Variants in ZNF782 observed in about 807,000 individuals in gnomAD.
ZNF782 encodes zinc finger protein 782.
A neutral mutation model predicts 13.0 loss-of-function variants in ZNF782; 12 were observed. The observed-to-expected ratio is 0.92, with a 90% CI of 0.59 to 1.50. ZNF782 has a LOEUF of 1.50. Among genes scored for constraint, ZNF782 ranks in the 40% most tolerant of loss-of-function variants. The pLI, the probability that ZNF782 is intolerant of heterozygous loss-of-function variation, is 0.00. For synonymous variants in ZNF782, 284 were observed against 283.0 expected (o/e 1.00, Z -0.04); for missense variants, 770 against 822.9 (o/e 0.94, Z 0.79).
At chr9:96,878,487 C>G (rs1020870820), upstream of ZNF782, among the ~76,000 whole-genome samples, 1 of 152,206 alleles carries the variant, frequency 6.6e-6, no homozygotes, top group Non-Finnish European at 1.5e-5. Context: ...CCAAGTACGA[C>G]CAATTGTCCA....
At chr9:96,896,174 G>A in the ZNF782 span, 4 of 152,118 alleles carry the variant, frequency 2.6e-5, no homozygotes, top group African/African-American at 7.2e-5. Context: ...CTGGTACCTG[G>A]TATGCACTTA....
chr9:96,868,984 C>A lies in ZNF782; in HGVS notation c.-457+6484G>T, dbSNP rs77472662. 5.6e-3 allele frequency among the ~76,000 whole-genome samples: 849 copies of A among 152,146 alleles called. 10 individuals are homozygous for A. Among genetic ancestry groups the A allele is most frequent in the Non-Finnish European group, 9.3e-3 (631 of 67,990 alleles). ...GTGTTTATACCAAATGCTACTTTGA[C>A]CTTTGCGCCTTGGCACACGACAGTA... On this transcript the variant is annotated intron_variant, in intron 1 of 5. Coordinates refer to the ZNF782 transcript ENST00000498811.
At chr9:96,932,547 G>C in the ZNF782 span, 2 of 1,333,136 alleles carry the variant, frequency 1.5e-6, no homozygotes, top group East Asian at 4.7e-5. Flanking sequence ...TGTGCTATGG[G>C]AAGGTACATT....
intron 1 of ZNF782, among the ~76,000 whole-genome samples, chr9:96,863,955 C>A (rs1419013267): frequency 6.6e-6 from 1 of 151,952 alleles, no homozygotes; most frequent in Non-Finnish European, 1.5e-5. Context: ...CCTAAATCAT[C>A]CCTAAACAAC....
chr9:96,924,787 C>T, the ZNF782 span, among the ~76,000 whole-genome samples: 1 of 152,244 alleles, frequency 6.6e-6, no homozygotes, highest in Non-Finnish European at 1.5e-5. Flanking sequence ...GGAATGTGAG[C>T]AGCACGGCCG....
the ZNF782 span, chr9:96,891,067 A>G: frequency 1.3e-5 from 2 of 152,258 alleles, no homozygotes; most frequent in East Asian, 1.9e-4. Context: ...TGAGGTACCT[A>G]GAATTGGCAA....
the ZNF782 span, among the ~76,000 whole-genome samples, chr9:96,911,724 G>A: frequency 6.6e-6 from 1 of 151,366 alleles, no homozygotes. Context: ...GTTTCACCGT[G>A]TTAGCGAGGA....
At chr9:96,857,427 G>A (rs1480952207), upstream of ZNF782, among the ~76,000 whole-genome samples, 1 of 152,156 alleles carries the variant, frequency 6.6e-6, no homozygotes, top group African/African-American at 2.4e-5. Flanking sequence ...AGAATAAAAG[G>A]CACTTACTTT....
chr9:96,856,765 A>C (rs1235278999), upstream of ZNF782, among the ~76,000 whole-genome samples: 1 of 152,192 alleles, frequency 6.6e-6, no homozygotes, highest in Admixed American at 6.5e-5. Context: ...AATCCCAGGG[A>C]TACATAGACT....
the ZNF782 span, chr9:96,928,597 C>CTCTTTGTGTT: frequency 7.3e-5 from 19 of 260,974 alleles, no homozygotes; most frequent in Admixed American, 1.4e-4. Context: ...TGGGAAGGAG[C>CTCTTTGTGTT]ATGGGTTGAT....
chr9:96,820,280 C>A (rs1281703849), intron 5 of ZNF782, among the ~76,000 whole-genome samples: 1 of 152,100 alleles, frequency 6.6e-6, no homozygotes, highest in Non-Finnish European at 1.5e-5. Flanking sequence ...CATTAGCCTG[C>A]AATAGTTCAG....
chr9:96,865,606 T>A (rs1009407172), intron 1 of ZNF782, among the ~76,000 whole-genome samples: 18 of 152,082 alleles, frequency 1.2e-4, no homozygotes, highest in Non-Finnish European at 2.1e-4. Flanking sequence ...ACCAGTAGAG[T>A]GGGGTGCTAC....
In ZNF782 at chr9:96,825,489, G is replaced by A. The variant is rs1178498742; in HGVS notation, c.244+1591C>T. On this transcript the variant is annotated intron_variant, in intron 5 of 5. Coordinates refer to ENST00000481138, the MANE Select transcript of ZNF782 (RefSeq NM_001001662.3). ...CCTAGGCATTACCATTCAGGACATA[G>A]GCATGGGCAAGGATTTCATGTCTAA... Among the ~76,000 whole-genome samples the A allele has an allele frequency of 2.6e-5, 4 of 152,030 alleles. No homozygotes were observed. The East Asian group carries it at 5.8e-4, about 22-fold the overall frequency.
the ZNF782 span, among the ~76,000 whole-genome samples, chr9:96,925,251 G>C: frequency 1.3e-5 from 2 of 151,988 alleles, no homozygotes; most frequent in Admixed American, 6.5e-5. Context: ...GGCCCCGCAG[G>C]AGATGGGGAA....
chr9:96,828,201 C>G (rs1288673863), intron 4 of ZNF782, among the ~76,000 whole-genome samples: 1 of 152,138 alleles, frequency 6.6e-6, no homozygotes, highest in Non-Finnish European at 1.5e-5. Flanking sequence ...TATATCATCA[C>G]CAACCAGGGT....
the ZNF782 span, among the ~76,000 whole-genome samples, chr9:96,906,076 C>G: frequency 1.3e-5 from 2 of 152,362 alleles, no homozygotes; most frequent in African/African-American, 4.8e-5. Context: ...GGTGTAGCCA[C>G]TAAGGTAAAC....
the ZNF782 span, among the ~76,000 whole-genome samples, chr9:96,917,887 C>CGCGCGTGTGTGTGTGTGTGT: frequency 8.2e-6 from 1 of 121,682 alleles, no homozygotes; most frequent in African/African-American, 3.6e-5. Context: ...CCACCCTTGG[C>CGCGCGTGTGTGTGTGTGTGT]GTGTGTGTGT....
the ZNF782 span, among the ~76,000 whole-genome samples, chr9:96,905,871 A>G: frequency 6.6e-6 from 1 of 152,174 alleles, no homozygotes; most frequent in Non-Finnish European, 1.5e-5. Context: ...GGCATGAGCC[A>G]CCGTGCCCGG....
chr9:96,898,641 G>C, the ZNF782 span, among the ~76,000 whole-genome samples: 1 of 146,816 alleles, frequency 6.8e-6, no homozygotes, highest in Admixed American at 6.7e-5. Flanking sequence ...CTGCCTCCCG[G>C]GCTCAAGCGA....
Sources: gnomAD v4.1 joint callset for allele counts (sites outside exome capture counted in the v4.1 genomes callset) on GRCh38, gnomAD v4.1.1 for gene constraint, MANE v1.5 for transcripts, NCBI Gene and HGNC (gene_info 2026-07-23, HGNC 2026-07-21) for gene names.